The following SMG6 variants were observed in gnomAD, a reference collection of about 807,000 sequenced individuals.
SMG6 encodes SMG6 nonsense mediated mRNA decay factor.
A neutral mutation model predicts 142.2 loss-of-function variants in SMG6; 66 were observed. That is an observed-to-expected ratio of 0.46 (90% CI 0.38 to 0.57). The LOEUF (loss-of-function observed/expected upper bound fraction) is 0.57, where lower values mean the gene tolerates loss of function less well. Among genes scored for constraint, SMG6 ranks in the 20% least tolerant of loss-of-function variants. The pLI is 0.00. For missense variants in SMG6, 1,793 were observed against 1,832.0 expected, an observed-to-expected ratio of 0.98 and a Z score of 0.39; for synonymous variants, 779 against 702.4, an observed-to-expected ratio of 1.11 and a Z score of -1.72.
At chr17:2,256,860 GA>G (rs563786607) in intron 8 of SMG6, among the ~76,000 whole-genome samples, 54 of 152,332 alleles carry the variant, frequency 3.5e-4, no homozygotes, top group African/African-American at 1.2e-3. Context: ...AAAAAGAGAT[GA>G]ATGTTGTAGG....
chr17:2,158,750 C>T (rs9893238), intron 13 of SMG6, among the ~76,000 whole-genome samples: 18 of 151,538 alleles, frequency 1.2e-4, no homozygotes, highest in African/African-American at 4.4e-4. Context: ...AACCATGGCT[C>T]TACGAAAATT....
At chr17:2,197,022 T>C (rs1388696381) in intron 10 of SMG6, among the ~76,000 whole-genome samples, 5 of 152,166 alleles carry the variant, frequency 3.3e-5, no homozygotes, top group South Asian at 2.1e-4. Flanking sequence ...ATATAAAACA[T>C]AGGACCATAA....
chr17:2,261,901 T>C (rs769159260), intron 8 of SMG6, among the ~76,000 whole-genome samples: 1 of 152,340 alleles, frequency 6.6e-6, no homozygotes, highest in East Asian at 1.9e-4. Flanking sequence ...TAGAGTTTTA[T>C]AGATCTGTCC....
chr17:2,147,324 C>A (rs1567636303), intron 13 of SMG6, among the ~76,000 whole-genome samples: 1 of 151,830 alleles, frequency 6.6e-6, no homozygotes, highest in African/African-American at 2.4e-5. Context: ...ACCTGGGAGG[C>A]AGAGGTTGCA....
At chr17:2,220,058 A>T (rs140782361) in intron 10 of SMG6, among the ~76,000 whole-genome samples, 1 of 152,224 alleles carries the variant, frequency 6.6e-6, no homozygotes, top group East Asian at 1.9e-4. Flanking sequence ...AGTAGCTGGG[A>T]CTACAGACAT....
chr17:2,078,568 C>T (rs934036917), intron 15 of SMG6, among the ~76,000 whole-genome samples: 1 of 152,020 alleles, frequency 6.6e-6, no homozygotes, highest in Non-Finnish European at 1.5e-5. Context: ...GATGAGGTTT[C>T]ATCATGTTGG....
chr17:2,231,722 A>G (rs2151795507), intron 10 of SMG6, among the ~76,000 whole-genome samples: 1 of 142,966 alleles, frequency 7.0e-6, no homozygotes, highest in South Asian at 2.3e-4. Flanking sequence ...AAAAAAAGCA[A>G]GCATAAATGA....
At chr17:2,220,378 C>A (rs184774178) in intron 10 of SMG6, among the ~76,000 whole-genome samples, 2 of 152,308 alleles carry the variant, frequency 1.3e-5, no homozygotes, top group Non-Finnish European at 2.9e-5. Flanking sequence ...TGCCTGTAAT[C>A]CCAAGACTTT....
chr17:2,157,768 G>C (rs559655260), intron 13 of SMG6, among the ~76,000 whole-genome samples: 1 of 152,324 alleles, frequency 6.6e-6, no homozygotes, highest in African/African-American at 2.4e-5. Flanking sequence ...AAAAACCTCA[G>C]AACACTCATT....
intron 8 of SMG6, among the ~76,000 whole-genome samples, chr17:2,270,459 T>A (rs1003113698): frequency 6.6e-6 from 1 of 151,454 alleles, no homozygotes; most frequent in African/African-American, 2.4e-5. Context: ...ATAAAAAACA[T>A]TGGCCAGGCA....
At chr17:2,218,173 A>G (rs1184657238) in intron 10 of SMG6, among the ~76,000 whole-genome samples, 1 of 152,174 alleles carries the variant, frequency 6.6e-6, no homozygotes, top group African/African-American at 2.4e-5. Flanking sequence ...TTAATCCAAG[A>G]GCTTTTACTC....
intron 15 of SMG6, among the ~76,000 whole-genome samples, chr17:2,070,106 C>T (rs1202064603): frequency 6.6e-6 from 1 of 152,212 alleles, no homozygotes; most frequent in East Asian, 1.9e-4. Flanking sequence ...CGTGGCCCAG[C>T]GCTTGCCTTC....
chr17:2,142,276 A>G (rs905073125), intron 13 of SMG6, among the ~76,000 whole-genome samples: 3 of 152,254 alleles, frequency 2.0e-5, no homozygotes, highest in Non-Finnish European at 4.4e-5. Context: ...TGCAAGGACA[A>G]TCAAATCATA....
Position 2,061,422 on chromosome 17 carries a change from CGT to C in SMG6, c.*68_*69del. The stretch of plus-strand genomic sequence containing the variant: ...GTGGCTCAGGCACGTGGGCATCTTC[CGT>C]GCTACACTGGGCGCCTGGTGGCCTT... On this transcript the variant is annotated 3_prime_UTR_variant, in exon 19 of 19. Coordinates refer to ENST00000263073, the MANE Select transcript of SMG6 (RefSeq NM_017575.5). The C allele has an allele frequency of 6.8e-7, 1 of 1,464,010 alleles. No individual in the cohort carries two copies. The highest frequency in any genetic ancestry group is 9.2e-7 in the Non-Finnish European group (1 of 1,090,428). 90.7% of individuals were successfully genotyped at this position (1,464,010 alleles called of 1,614,324 possible).
chr17:2,242,864 A>C (rs1188219526), intron 9 of SMG6, among the ~76,000 whole-genome samples: 3 of 152,138 alleles, frequency 2.0e-5, no homozygotes, highest in Non-Finnish European at 2.9e-5. Context: ...ATTACTCACT[A>C]GTGATTGTCT....
chr17:2,274,586 A>G (rs1036731948), intron 8 of SMG6, among the ~76,000 whole-genome samples: 1 of 152,208 alleles, frequency 6.6e-6, no homozygotes, highest in African/African-American at 2.4e-5. Flanking sequence ...TGGATAACAG[A>G]GATTAGGAGC....
Position 2,299,357 on chromosome 17 carries a change from C to G in SMG6, c.1396G>C (p.Ala466Pro). 6.2e-7 allele frequency: 1 copy of G among 1,614,062 alleles called. No individual in the cohort carries two copies. Among genetic ancestry groups the G allele is most frequent in the Non-Finnish European group, 8.5e-7 (1 of 1,180,042 alleles). The change falls in exon 2 of 19, where the codon GCT becomes CCT. Residue 466 changes from alanine to proline, a missense_variant. Ala to Pro is a conservative substitution (Grantham distance 27). This residue lies in a region of SMG6 where 1,597 missense variants were observed against 1,584.6 expected (regional missense o/e 1.01). Transcript: ENST00000263073. The surrounding 1 kb of genome is among the most constrained non-coding windows in gnomAD (Gnocchi z 4.3). ...WDPNNPDQKPALKTQTPQLHF... is the reference protein window; with the variant it reads ...WDPNNPDQKPPLKTQTPQLHF... ...AGCTGGGGCGTCTGAGTCTTTAGAG[C>G]AGGTTTCTGATCAGGATTGTTTGGG...
intron 10 of SMG6, among the ~76,000 whole-genome samples, chr17:2,218,613 A>G (rs2073086746): frequency 6.6e-6 from 1 of 152,162 alleles, no homozygotes; most frequent in African/African-American, 2.4e-5. Context: ...CAACAAGACT[A>G]CTCACCTACA....
In SMG6 at chr17:2,294,625, C is replaced by T. The variant is rs369221988; in HGVS notation, c.2152-1648G>A. ...TACACCTTCACCTGGCTGAAGCTTT[C>T]GGCCTTCAGCGTTAGTTTAACTATG... On this transcript the variant is annotated intron_variant, in intron 4 of 18. Coordinates refer to ENST00000263073, the MANE Select transcript of SMG6 (RefSeq NM_017575.5). Among the ~76,000 whole-genome samples, 16 of 152,300 alleles carry T rather than the reference C, an allele frequency of 1.1e-4. No homozygotes were observed. The East Asian group carries it at 1.7e-3, about 17-fold the overall frequency.
Sources: allele counts gnomAD v4.1 joint callset (sites outside exome capture counted in the v4.1 genomes callset), GRCh38; gene constraint gnomAD v4.1.1; regional missense constraint gnomAD v4.1.1; non-coding constraint Gnocchi (gnomAD v3.1); transcripts MANE v1.5; gene names NCBI Gene and HGNC (gene_info 2026-07-23, HGNC 2026-07-21).